ITPRID1: variants seen among roughly 807,000 people sequenced by gnomAD.
ITPRID1 encodes the protein ITPR interacting domain containing 1.
In ITPRID1, 96 loss-of-function variants were observed where a neutral mutation model predicts 95.4. The observed-to-expected ratio is 1.01, with a 90% CI of 0.85 to 1.19. The LOEUF (loss-of-function observed/expected upper bound fraction) is 1.19, where lower values mean the gene tolerates loss of function less well. Among genes scored for constraint, ITPRID1 ranks in the 50% most tolerant of loss-of-function variants. ITPRID1 has a pLI of 0.00. For synonymous variants in ITPRID1, 510 were observed against 453.6 expected, an observed-to-expected ratio of 1.12 and a Z score of -1.58; for missense variants, 1,339 against 1,252.9, an observed-to-expected ratio of 1.07 and a Z score of -1.04.
At position 31,578,057 on chromosome 7, in the gene ITPRID1, A is replaced by G; in HGVS notation, c.793A>G (p.Ile265Val). ...CTTAAGGAGAGCTTCCAAACAGAAC[A>G]TCAGGCGGGATTGTAACCCAGAGGT... Reference protein sequence around the residue: ...KLLRRASKQNIRRDCNPEVSE... With the variant: ...KLLRRASKQNVRRDCNPEVSE... The change falls in exon 9 of 15, where the codon ATC becomes GTC. Residue 265 changes from isoleucine to valine, a missense_variant. Transcript: ENST00000615280. The G allele has an allele frequency of 1.2e-6, 2 of 1,613,904 alleles. No individual in the cohort carries two copies. The highest frequency in any genetic ancestry group is 1.7e-6 in the Non-Finnish European group (2 of 1,179,858).
intron 10 of ITPRID1, among the ~76,000 whole-genome samples, chr7:31,591,752 C>G (rs1273544543): frequency 6.6e-6 from 1 of 152,102 alleles, no homozygotes; most frequent in African/African-American, 2.4e-5. Context: ...AAGCAGTTGT[C>G]TTTGGGGAAT....
chr7:31,529,439 C>A (rs114569396), intron 1 of ITPRID1: 208 of 279,028 alleles, frequency 7.5e-4, no homozygotes, highest in African/African-American at 3.9e-3. Context: ...AGAAATAAAA[C>A]CACAACGGAA....
chr7:31,608,854 T>C (rs1208353452), intron 10 of ITPRID1, among the ~76,000 whole-genome samples: 2 of 151,626 alleles, frequency 1.3e-5, no homozygotes, highest in Admixed American at 6.6e-5. Flanking sequence ...TTTTGCCTTA[T>C]TATCCTGGAA....
intron 5 of ITPRID1, among the ~76,000 whole-genome samples, chr7:31,567,751 T>C (rs1266837565): frequency 6.6e-6 from 1 of 152,196 alleles, no homozygotes; most frequent in African/African-American, 2.4e-5. Flanking sequence ...TAGTTACATT[T>C]GTTTTGTAGA....
chr7:31,519,447 A>C (rs958927281), intron 1 of ITPRID1, among the ~76,000 whole-genome samples: 24 of 151,798 alleles, frequency 1.6e-4, no homozygotes, highest in African/African-American at 5.8e-4. Context: ...AAAATGAAGA[A>C]AGTAAAAACT....
Position 31,592,182 on chromosome 7 carries a change from A to G in ITPRID1, c.1228+8991A>G, listed in dbSNP as rs142583030. ...GGACTCCCCAGGTATATCATCCACT[A>G]CCTTTCCAGGACAATGTCCTCAAGT... On this transcript the variant is annotated intron_variant, in intron 10 of 14. Transcript: ENST00000615280. Among the ~76,000 whole-genome samples the G allele has an allele frequency of 2.6e-4, 39 of 152,286 alleles. No individual in the cohort carries two copies. The East Asian group carries it at 6.6e-3, about 26-fold the overall frequency.
At chr7:31,630,627 T>G (rs1452185059) in intron 10 of ITPRID1, among the ~76,000 whole-genome samples, 3 of 152,130 alleles carry the variant, frequency 2.0e-5, no homozygotes. Flanking sequence ...ATGTCACATA[T>G]TTACCAATCA....
chr7:31,599,637 CTTT>C lies in ITPRID1; in HGVS notation c.1228+16447_1228+16449del, dbSNP rs1562598765. 2.5e-3 allele frequency among the ~76,000 whole-genome samples: 240 copies of C among 97,868 alleles called. 5 individuals carry two copies. The highest frequency in any genetic ancestry group is 7.3e-3 in the African/African-American group (184 of 25,186). The allele number at this position is 97,868 out of a possible 152,430, so 64.2% of individuals were successfully genotyped here. On this transcript the variant is annotated intron_variant, in intron 10 of 14. Transcript: ENST00000615280. ...TCTTTCTTTCTTTCTTTCTTTCTTT[CTTT>C]CTTTCTTTTTCTTTCTTTCCTTTCT...
chr7:31,637,526 T>A (rs372713203), intron 10 of ITPRID1, among the ~76,000 whole-genome samples: 1 of 152,272 alleles, frequency 6.6e-6, no homozygotes, highest in African/African-American at 2.4e-5. Context: ...TTGGCTGCAT[T>A]AATGTCTTCT....
chr7:31,612,581 C>G (rs939264465), intron 10 of ITPRID1, among the ~76,000 whole-genome samples: 4 of 152,270 alleles, frequency 2.6e-5, no homozygotes, highest in Middle Eastern at 6.8e-3. Context: ...AAGTACAACA[C>G]TGAAGTTCCT....
intron 1 of ITPRID1, among the ~76,000 whole-genome samples, chr7:31,530,423 A>G (rs532770523): frequency 3.3e-4 from 50 of 152,330 alleles, no homozygotes; most frequent in African/African-American, 1.1e-3. Flanking sequence ...GTTGCCAGAT[A>G]AAATTTAGGA....
At chr7:31,604,904 G>C (rs912112403) in intron 10 of ITPRID1, among the ~76,000 whole-genome samples, 2 of 152,168 alleles carry the variant, frequency 1.3e-5, no homozygotes, top group African/African-American at 4.8e-5. Context: ...GGGAGGTTGA[G>C]GCAGGAGGAT....
chr7:31,608,996 G>T (rs1786745155), intron 10 of ITPRID1, among the ~76,000 whole-genome samples: 1 of 151,608 alleles, frequency 6.6e-6, no homozygotes, highest in African/African-American at 2.4e-5. Context: ...AGGATATTCA[G>T]TTCTCTTCCT....
At chr7:31,650,994 G>A in intron 12 of ITPRID1, 148 bp from the exon 13 acceptor site, 1 of 735,916 alleles carries the variant, frequency 1.4e-6, no homozygotes, top group Non-Finnish European at 2.1e-6. Flanking sequence ...CCAAATATTG[G>A]GCTCTTCCTA....
In ITPRID1 at chr7:31,654,409, A is replaced by G. The variant is rs531455566; in HGVS notation, c.*1580A>G. On this transcript the variant is annotated 3_prime_UTR_variant, in exon 15 of 15. Coordinates refer to ENST00000615280, the MANE Select transcript of ITPRID1 (RefSeq NM_001257967.3). ...CTATAGGCCATGACCAAGTCTTTGCATCTGAATCCTTTTTCCAAGGGTAAT... is the reference window on the plus strand; with the variant it reads ...CTATAGGCCATGACCAAGTCTTTGCGTCTGAATCCTTTTTCCAAGGGTAAT... Among the ~76,000 whole-genome samples, 3 of 152,336 alleles carry G rather than the reference A, an allele frequency of 2.0e-5. No homozygotes were observed. In the East Asian group the frequency reaches 5.8e-4, roughly 29 times the overall value.
In ITPRID1 at chr7:31,653,006, G is replaced by C. The variant is rs1340841694; in HGVS notation, c.*177G>C. ...TTTAGAATACTCTAATACTCATTCA[G>C]TATAGAATAACTGAGCACCTAGTAT... On this transcript the variant is annotated 3_prime_UTR_variant, in exon 15 of 15. Coordinates refer to ENST00000615280, the MANE Select transcript of ITPRID1 (RefSeq NM_001257967.3). 7.1e-7 allele frequency: 1 copy of C among 1,417,862 alleles called. No homozygotes were observed. Among genetic ancestry groups the C allele is most frequent in the East Asian group, 2.5e-5 (1 of 39,698 alleles). 87.8% of individuals were successfully genotyped at this position (1,417,862 alleles called of 1,614,324 possible).
At chr7:31,612,046 TTC>T (rs1197158954) in intron 10 of ITPRID1, among the ~76,000 whole-genome samples, 7 of 152,030 alleles carry the variant, frequency 4.6e-5, no homozygotes, top group Non-Finnish European at 7.4e-5. Context: ...TTCATTTTTT[TTC>T]TGTTTTTCCA....
At chr7:31,601,996 T>G (rs544134712) in intron 10 of ITPRID1, among the ~76,000 whole-genome samples, 1 of 152,148 alleles carries the variant, frequency 6.6e-6, no homozygotes, top group Non-Finnish European at 1.5e-5. Context: ...TTCTCCATAA[T>G]GTAGTCTCTG....
chr7:31,638,041 A>G (rs1291266121), intron 10 of ITPRID1, among the ~76,000 whole-genome samples: 2 of 152,162 alleles, frequency 1.3e-5, no homozygotes, highest in Non-Finnish European at 2.9e-5. Flanking sequence ...TGCCCTCTCA[A>G]CAGGTTATTA....
Sources: allele counts gnomAD v4.1 joint callset (sites outside exome capture counted in the v4.1 genomes callset), GRCh38; gene constraint gnomAD v4.1.1; transcripts MANE v1.5; gene names NCBI Gene and HGNC (gene_info 2026-07-23, HGNC 2026-07-21).